The following EPHA3 variants were observed in gnomAD, a reference collection of about 807,000 sequenced individuals.
EPHA3 encodes EPH receptor A3.
In EPHA3, 42 loss-of-function variants were observed where a neutral mutation model predicts 107.1. The ratio of observed to expected loss-of-function variants is 0.39; its 90% CI spans 0.31 to 0.51. EPHA3 has a LOEUF of 0.51. Ranked by LOEUF, EPHA3 falls within the 20% of genes least tolerant of loss-of-function variation. The probability of loss-of-function intolerance (pLI) is 0.78; values close to 1 mark genes in which losing one functional copy is unlikely to be tolerated. For synonymous variants in EPHA3, 461 were observed against 424.8 expected (o/e 1.09, Z -1.05); for missense variants, 1,183 against 1,211.2 (o/e 0.98, Z 0.35).
intron 1 of EPHA3, among the ~76,000 whole-genome samples, chr3:89,115,464 G>A (rs1189735167): frequency 6.6e-6 from 1 of 152,112 alleles, no homozygotes; most frequent in East Asian, 1.9e-4. Flanking sequence ...GCAAGAGAGG[G>A]TTTTTGGGAG....
At position 89,346,934 on chromosome 3, in the gene EPHA3, GC is replaced by G. The variant is rs1379066600; in HGVS notation, c.1306+4845del. On this transcript the variant is annotated intron_variant, in intron 5 of 16. Coordinates refer to ENST00000336596, the MANE Select transcript of EPHA3 (RefSeq NM_005233.6). ...TCAAAGATCAGATAGTTGTAGGTAC[GC>G]GGCGTTATTTCTGAGGGCTCTGTTC... is the stretch of plus-strand genomic sequence containing the variant. Among the ~76,000 whole-genome samples the G allele has an allele frequency of 1.6e-3, 237 of 147,172 alleles. 3 individuals carry two copies. The highest frequency in any genetic ancestry group is 6.9e-3 in the Middle Eastern group (2 of 288).
At chr3:89,281,839 T>A (rs1044999551) in intron 3 of EPHA3, among the ~76,000 whole-genome samples, 1 of 152,174 alleles carries the variant, frequency 6.6e-6, no homozygotes, top group African/African-American at 2.4e-5. Flanking sequence ...CTCTCGATTT[T>A]ATGCGCACTG....
chr3:89,322,862 T>C (rs1414324358), intron 3 of EPHA3, among the ~76,000 whole-genome samples: 3 of 151,166 alleles, frequency 2.0e-5, no homozygotes, highest in Non-Finnish European at 2.9e-5. Flanking sequence ...AAAATTGCTT[T>C]GACTTGTCTA....
intron 3 of EPHA3, among the ~76,000 whole-genome samples, chr3:89,285,810 A>G (rs1474524548): frequency 6.6e-6 from 1 of 152,190 alleles, no homozygotes; most frequent in Non-Finnish European, 1.5e-5. Flanking sequence ...TCAGCAGAAG[A>G]CAATTCCTAA....
chr3:89,161,375 C>T (rs1704937743), intron 2 of EPHA3, among the ~76,000 whole-genome samples: 3 of 152,098 alleles, frequency 2.0e-5, no homozygotes, highest in Admixed American at 1.3e-4. Context: ...TATATGTATA[C>T]AAAAATTGTG....
At chr3:89,373,832 T>G (rs1252309462) in intron 5 of EPHA3, among the ~76,000 whole-genome samples, 1 of 151,876 alleles carries the variant, frequency 6.6e-6, no homozygotes, top group Non-Finnish European at 1.5e-5. Flanking sequence ...AGAACTAAAT[T>G]GCATTTTATA....
At chr3:89,184,480 G>A (rs1348186645) in intron 2 of EPHA3, among the ~76,000 whole-genome samples, 3 of 152,014 alleles carry the variant, frequency 2.0e-5, no homozygotes, top group Non-Finnish European at 4.4e-5. Context: ...TATGCCATAA[G>A]TGATTCTACT....
In EPHA3 at chr3:89,363,209, G is replaced by T. The variant is rs1046962441; in HGVS notation, c.1306+21119G>T. On this transcript the variant is annotated intron_variant, in intron 5 of 16. Transcript: ENST00000336596. ...CTATCCATTGAGAGAGAGATAGAGA[G>T]GGGGCAGGGAAAGAATACACCAATA... Among the ~76,000 whole-genome samples, 4 of 150,778 alleles carry T rather than the reference G, an allele frequency of 2.7e-5. 1 individual carries two copies. The Admixed American group carries it at 2.7e-4, about 10-fold the overall frequency.
chr3:89,205,621 A>T (rs947158738), intron 2 of EPHA3, among the ~76,000 whole-genome samples: 1 of 152,174 alleles, frequency 6.6e-6, no homozygotes, highest in Non-Finnish European at 1.5e-5. Flanking sequence ...AAATATCAGA[A>T]TTGTTTATTT....
At chr3:89,112,436 T>C (rs1707131837) in intron 1 of EPHA3, among the ~76,000 whole-genome samples, 1 of 152,070 alleles carries the variant, frequency 6.6e-6, no homozygotes, top group Non-Finnish European at 1.5e-5. Flanking sequence ...ATTCAAACTT[T>C]GGTGTGTTCC....
chr3:89,412,610 G>A (rs1709176526), intron 9 of EPHA3, among the ~76,000 whole-genome samples: 1 of 151,588 alleles, frequency 6.6e-6, no homozygotes, highest in Non-Finnish European at 1.5e-5. Flanking sequence ...CATTTTGATT[G>A]TGAATGTTAA....
rs116167148 is a variant in EPHA3 at position 89,453,714 on chromosome 3, A to G, written c.2690+3344A>G. ...AAAATTTGCTTTCCTACTTTTGACA[A>G]TGATTATTTCATCCTTTTCATAACT... On this transcript the variant is annotated intron_variant, in intron 15 of 16. Transcript: ENST00000336596. Among the ~76,000 whole-genome samples the G allele has an allele frequency of 4.9e-3, 739 of 152,258 alleles. 4 individuals carry two copies. Among genetic ancestry groups the G allele is most frequent in the African/African-American group, 0.017 (702 of 41,548 alleles).
intron 3 of EPHA3, among the ~76,000 whole-genome samples, chr3:89,295,613 ACT>A (rs1262151324): frequency 9.9e-5 from 15 of 151,862 alleles, no homozygotes; most frequent in African/African-American, 3.6e-4. Flanking sequence ...TTTGAGACAG[ACT>A]CTCTCTTTCT....
At chr3:89,169,629 C>T (rs184570606) in intron 2 of EPHA3, among the ~76,000 whole-genome samples, 152 of 152,210 alleles carry the variant, frequency 1.0e-3, no homozygotes, top group East Asian at 3.1e-3. Context: ...TGTATATTTT[C>T]AGATATCATA....
chr3:89,268,050 C>T (rs561202764), intron 3 of EPHA3, among the ~76,000 whole-genome samples: 1 of 152,078 alleles, frequency 6.6e-6, no homozygotes, highest in Non-Finnish European at 1.5e-5. Flanking sequence ...AGATAACGTG[C>T]AGTTCCTAAT....
rs1236482950 is a variant in EPHA3 at position 89,219,697 on chromosome 3, T to G, written c.814+9177T>G. Among the ~76,000 whole-genome samples, 26 of 13,322 alleles carry G rather than the reference T, an allele frequency of 2.0e-3. 4 individuals carry two copies. The highest frequency in any genetic ancestry group is 4.1e-3 in the African/African-American group (19 of 4,628). 8.7% of individuals were successfully genotyped at this position (13,322 alleles called of 152,430 possible). A position where few individuals can be genotyped will look rare whatever the true frequency, so the allele number is the denominator to read the frequency against. ...AGAGGCATTTGGCAATGTTTTTTTT[T>G]TTTTTGTTTTTTGTTTTTTTTTTTT... On this transcript the variant is annotated intron_variant, in intron 3 of 16. Transcript: ENST00000336596.
At chr3:89,379,319 G>T (rs1379049349) in intron 5 of EPHA3, among the ~76,000 whole-genome samples, 4 of 152,138 alleles carry the variant, frequency 2.6e-5, no homozygotes, top group African/African-American at 7.2e-5. Context: ...AATTCTGCAG[G>T]CATGATTGCT....
At chr3:89,281,172 C>A (rs865854547) in intron 3 of EPHA3, among the ~76,000 whole-genome samples, 1 of 152,024 alleles carries the variant, frequency 6.6e-6, no homozygotes. Flanking sequence ...TACAGGCCCA[C>A]GCCGCCACGC....
intron 11 of EPHA3, among the ~76,000 whole-genome samples, chr3:89,421,216 T>C (rs1019796940): frequency 1.3e-4 from 19 of 151,202 alleles, no homozygotes; most frequent in African/African-American, 4.6e-4. Context: ...AAACAAAATA[T>C]AAACTCTCAA....
Sources: allele counts gnomAD v4.1 joint callset (sites outside exome capture counted in the v4.1 genomes callset), GRCh38; gene constraint gnomAD v4.1.1; transcripts MANE v1.5; gene names NCBI Gene and HGNC (gene_info 2026-07-23, HGNC 2026-07-21).